Variants in CSF2RA observed in about 807,000 individuals in gnomAD.
The protein encoded by CSF2RA is granulocyte-macrophage colony-stimulating factor receptor subunit alpha.
CSF2RA carries 42 observed loss-of-function variants against 51.6 expected under a neutral mutation model. The ratio of observed to expected loss-of-function variants is 0.81; its 90% CI spans 0.64 to 1.05. The LOEUF (loss-of-function observed/expected upper bound fraction) is 1.05, where lower values mean the gene tolerates loss of function less well. Ranked by LOEUF, CSF2RA falls within the 50% of genes least tolerant of loss-of-function variation. The pLI is 0.00. For missense variants in CSF2RA, 530 were observed against 501.1 expected, an observed-to-expected ratio of 1.06 and a Z score of -0.55; for synonymous variants, 222 against 193.0, an observed-to-expected ratio of 1.15 and a Z score of -1.24.
At position 1,288,875 on chromosome X, in the gene CSF2RA, A is replaced by C. The variant is rs2091067816; in HGVS notation, c.460A>C (p.Ile154Leu). 1 of 1,608,444 alleles carries C rather than the reference A, an allele frequency of 6.2e-7. No homozygotes were observed. Among genetic ancestry groups the C allele is most frequent in the Non-Finnish European group, 8.5e-7 (1 of 1,177,538 alleles). ...APRDVQYFLY[I>L]RNSKRRREIR... Reference sequence around the variant, plus strand: ...CCGTGACGTCCAGTATTTTTTGTACATACGAAACTCAAAGTAAGTGTTCAC... The same window carrying C: ...CCGTGACGTCCAGTATTTTTTGTACCTACGAAACTCAAAGTAAGTGTTCAC... The change falls in exon 6 of 13, where the codon ATA (isoleucine) becomes CTA (leucine). Residue 154 changes from isoleucine (I) to leucine (L), a missense_variant. Transcript: ENST00000381529.
chrX:1,294,307 T>C, intron 7 of CSF2RA, 21 bp from the exon 8 acceptor site: 1 of 1,612,422 alleles, frequency 6.2e-7, no homozygotes, highest in Non-Finnish European at 8.5e-7. Context: ...TTCAGGGGTG[T>C]GTCCTGCGCC....
At chrX:1,273,765 GTA>G in intron 1 of CSF2RA, among the ~76,000 whole-genome samples, 1 of 25,880 alleles carries the variant, frequency 3.9e-5, no homozygotes, top group Non-Finnish European at 7.9e-5. Context: ...TTTTTTTTTT[GTA>G]TTTTTTTTTT....
chrX:1,275,088 CA>C (rs59502193), intron 2 of CSF2RA, among the ~76,000 whole-genome samples: 28,079 of 118,172 alleles, frequency 0.24, 2,721 homozygotes, highest in East Asian at 0.31. Context: ...ATGAACCTGT[CA>C]AAAAAAAAAA....
chrX:1,303,529 C>T (rs1181593858), intron 10 of CSF2RA, among the ~76,000 whole-genome samples: 3 of 152,078 alleles, frequency 2.0e-5, no homozygotes, highest in African/African-American at 4.8e-5. Flanking sequence ...TGTGAGCCAC[C>T]GTGCCTGGCC....
At position 1,309,757 on chromosome X, in the gene CSF2RA, G is replaced by A. The variant is rs185284247; in HGVS notation, c.*278G>A. On this transcript the variant is annotated 3_prime_UTR_variant, in exon 13 of 13. Coordinates refer to ENST00000381529, the MANE Select transcript of CSF2RA (RefSeq NM_172245.4). ...CAGAAATTTACCCAGGCACGGCGGC[G>A]GACGCCCATCATCCCAGCTACTTGG... 9.7e-4 allele frequency: 659 copies of A among 682,066 alleles called. 2 individuals carry two copies. The highest frequency in any genetic ancestry group is 9.4e-4 in the Non-Finnish European group (363 of 386,818). 42.3% of individuals were successfully genotyped at this position (682,066 alleles called of 1,614,324 possible).
At chrX:1,320,852 TG>T in the CSF2RA span, among the ~76,000 whole-genome samples, 1 of 150,882 alleles carries the variant, frequency 6.6e-6, no homozygotes, top group East Asian at 2.0e-4. Flanking sequence ...TTTGTTTGTT[TG>T]TTTTGAGACA....
intron 7 of CSF2RA, 22 bp from the exon 8 acceptor site, chrX:1,294,306 G>A (rs774758255): frequency 1.2e-6 from 2 of 1,612,482 alleles, no homozygotes; most frequent in Admixed American, 3.3e-5. Flanking sequence ...GTTCAGGGGT[G>A]TGTCCTGCGC....
intron 4 of CSF2RA, among the ~76,000 whole-genome samples, chrX:1,287,923 G>C (rs1191676296): frequency 1.7e-4 from 25 of 144,582 alleles, no homozygotes; most frequent in African/African-American, 5.9e-4. Context: ...TTTTAGTAGA[G>C]ACGGGGTTTC....
intron 2 of CSF2RA, among the ~76,000 whole-genome samples, chrX:1,278,013 A>G (rs1265521960): frequency 1.4e-5 from 2 of 145,294 alleles, no homozygotes; most frequent in Non-Finnish European, 1.5e-5. Context: ...GAGCAAGTTT[A>G]TTATGAAAGT....
At chrX:1,324,121 G>A in the CSF2RA span, among the ~76,000 whole-genome samples, 1 of 151,912 alleles carries the variant, frequency 6.6e-6, no homozygotes, top group Non-Finnish European at 1.5e-5. Context: ...TGAGGTGGAG[G>A]TTGCAGTAAG....
At position 1,290,333 on chromosome X, in the gene CSF2RA, T is replaced by G; in HGVS notation, c.474-4T>G. 6.2e-7 allele frequency: 1 copy of G among 1,612,836 alleles called. No individual in the cohort carries two copies. Among genetic ancestry groups the G allele is most frequent in the Non-Finnish European group, 8.5e-7 (1 of 1,178,862 alleles). On this transcript the variant is annotated splice_polypyrimidine_tract_variant and splice_region_variant and intron_variant, in intron 6 of 12. Coordinates refer to ENST00000381529, the MANE Select transcript of CSF2RA (RefSeq NM_172245.4). Reference sequence around the variant, plus strand: ...TGCTCTCTGAGCACTTTCTAATCTTTCAGGAGAAGGAGGGAGATCCGGTGT... The same window carrying G: ...TGCTCTCTGAGCACTTTCTAATCTTGCAGGAGAAGGAGGGAGATCCGGTGT...
In CSF2RA at chrX:1,288,572, A is replaced by C. The variant is rs1276943766; in HGVS notation, c.273A>C (p.Gly91=). The C allele has an allele frequency of 3.7e-6, 6 of 1,613,812 alleles. No homozygotes were observed. Among genetic ancestry groups the C allele is most frequent in the African/African-American group, 2.7e-5 (2 of 74,914 alleles). The part of the protein sequence containing the change: ...CTFREICLHE[G]VTFEVHVNTS... ...TTCGTGAAATTTGTCTGCATGAAGGAGTCACATTTGAGGTTCACGTGAATA... is the reference window on the plus strand; with the variant it reads ...TTCGTGAAATTTGTCTGCATGAAGGCGTCACATTTGAGGTTCACGTGAATA... The change falls in exon 5 of 13, where the codon GGA becomes GGC. Residue 91 remains glycine, a synonymous_variant. Transcript: ENST00000381529.
chrX:1,299,409 C>A (rs190085733), intron 9 of CSF2RA, among the ~76,000 whole-genome samples: 18 of 152,164 alleles, frequency 1.2e-4, no homozygotes, highest in African/African-American at 4.3e-4. Flanking sequence ...AGTTGTTGAT[C>A]CTGAATCATT....
chrX:1,307,017 C>A (rs751293875), intron 12 of CSF2RA, among the ~76,000 whole-genome samples: 13 of 151,652 alleles, frequency 8.6e-5, no homozygotes, highest in African/African-American at 2.7e-4. Flanking sequence ...TTAGTCTCAG[C>A]GAGAGCCCAG....
downstream of CSF2RA, among the ~76,000 whole-genome samples, chrX:1,310,943 C>G (rs1258082426): frequency 1.3e-5 from 2 of 151,816 alleles, no homozygotes; most frequent in African/African-American, 2.4e-5. Context: ...CCTGAAAGAG[C>G]TGGTTATCAA....
At chrX:1,283,131 C>CTTCGTTCCTTCCTTCG (rs2090236884) in intron 3 of CSF2RA, among the ~76,000 whole-genome samples, 1 of 65,408 alleles carries the variant, frequency 1.5e-5, no homozygotes, top group African/African-American at 4.3e-5. Context: ...TCGTTCCTTC[C>CTTCGTTCCTTCCTTCG]TTCCTTCCTT....
chrX:1,283,171 C>CTTCCTTCG (rs1474945562), intron 3 of CSF2RA, among the ~76,000 whole-genome samples: 7 of 696 alleles, frequency 0.01, no homozygotes, highest in African/African-American at 0.014. Context: ...TCCTTCGTTC[C>CTTCCTTCG]TTCCTTCCTT....
At chrX:1,312,777 G>A (rs753673372), downstream of CSF2RA, among the ~76,000 whole-genome samples, 12 of 152,170 alleles carry the variant, frequency 7.9e-5, 1 homozygote, top group South Asian at 2.3e-3. Flanking sequence ...GGTGTTCCAC[G>A]TCCCTCCTGC....
intron 2 of CSF2RA, among the ~76,000 whole-genome samples, chrX:1,276,382 T>TTTATTTA (rs2089200309): frequency 9.6e-6 from 1 of 104,470 alleles, no homozygotes; most frequent in African/African-American, 5.0e-5. Flanking sequence ...TTATTTATTT[T>TTTATTTA]TAATTTTTGG....
Sources: gnomAD v4.1 joint callset for allele counts (sites outside exome capture counted in the v4.1 genomes callset) on GRCh38, gnomAD v4.1.1 for gene constraint, MANE v1.5 for transcripts, NCBI Gene and HGNC (gene_info 2026-07-23, HGNC 2026-07-21) for gene names.